The following IRAG1 variants were observed in gnomAD, a reference collection of about 807,000 sequenced individuals.
IRAG1 encodes the protein inositol 1,4,5-triphosphate receptor associated 1, also known as IP3R-associated cGMP kinase substrate.
In IRAG1, 62 loss-of-function variants were observed where a neutral mutation model predicts 106.2. The observed-to-expected ratio is 0.58, with a 90% CI of 0.48 to 0.72. The LOEUF (loss-of-function observed/expected upper bound fraction) is 0.72, where lower values mean the gene tolerates loss of function less well. IRAG1 is among the 30% of genes least tolerant of loss of function. The pLI is 0.00. For synonymous variants in IRAG1, 462 were observed against 443.9 expected, an observed-to-expected ratio of 1.04 and a Z score of -0.51; for missense variants, 1,064 against 1,140.7, an observed-to-expected ratio of 0.93 and a Z score of 0.97.
chr11:10,680,367 A>AGG (rs1395405539), intron 1 of IRAG1, among the ~76,000 whole-genome samples: 7 of 95,678 alleles, frequency 7.3e-5, no homozygotes, highest in East Asian at 5.0e-4. Context: ...GAAAGAAAGA[A>AGG]AGAAGGAAGG....
intron 10 of IRAG1, among the ~76,000 whole-genome samples, chr11:10,619,653 G>C (rs1411580900): frequency 6.6e-6 from 1 of 152,204 alleles, no homozygotes; most frequent in African/African-American, 2.4e-5. Context: ...ATGTATGCCA[G>C]GTTCCTGCTG....
intron 1 of IRAG1, among the ~76,000 whole-genome samples, chr11:10,673,728 G>T (rs908387284): frequency 6.6e-6 from 1 of 151,838 alleles, no homozygotes; most frequent in African/African-American, 2.4e-5. Context: ...AGCTAGCTTT[G>T]GTCCTTAGTG....
intron 18 of IRAG1, among the ~76,000 whole-genome samples, chr11:10,585,005 A>G (rs1430726147): frequency 2.0e-5 from 3 of 152,228 alleles, no homozygotes; most frequent in Admixed American, 6.5e-5. Flanking sequence ...AGCTTGTTAT[A>G]TATTACTGAG....
chr11:10,591,603 G>A lies in IRAG1; in HGVS notation c.2185C>T (p.Pro729Ser). The A allele has an allele frequency of 1.3e-6, 2 of 1,594,458 alleles. No homozygotes were observed. The highest frequency in any genetic ancestry group is 1.7e-4 in the Middle Eastern group (1 of 6,042). The change falls in exon 18 of 21, where the codon CCC becomes TCC. Residue 729 changes from proline (P) to serine (S), a missense_variant. Transcript: ENST00000423302. ...ACAGGTAGGCTGCCTTTCCCATTGG[G>A]TGATTCCGACTGAGTGAAAAACAGA... ...IPSLPALSES[P>S]NGKGSLPVTS... is the part of the protein sequence containing the mutation.
chr11:10,693,461 C>T (rs1862220906), intron 1 of IRAG1, 75 bp downstream of exon 1: 7 of 1,530,818 alleles, frequency 4.6e-6, no homozygotes, highest in Non-Finnish European at 5.2e-6. Context: ...GCACCCTGTA[C>T]CTTTAAGGAA....
intron 1 of IRAG1, among the ~76,000 whole-genome samples, chr11:10,661,585 A>G (rs768497546): frequency 1.3e-5 from 2 of 152,156 alleles, no homozygotes; most frequent in Non-Finnish European, 2.9e-5. Context: ...GAGGCTGCCT[A>G]CATTCGTTGG....
At position 10,657,834 on chromosome 11, in the gene IRAG1, A is replaced by C. The variant is rs150597874; in HGVS notation, c.68-5652T>G. Among the ~76,000 whole-genome samples the C allele has an allele frequency of 6.6e-6, 1 of 152,026 alleles. No homozygotes were observed. The highest frequency in any genetic ancestry group is 1.5e-5 in the Non-Finnish European group (1 of 68,000). ...GAGAACTCACCAGTCTTACCCCTGCACCCATTTTTACCAATGGGGAACCGA... is the reference window on the plus strand; with the variant it reads ...GAGAACTCACCAGTCTTACCCCTGCCCCCATTTTTACCAATGGGGAACCGA... On this transcript the variant is annotated intron_variant, in intron 1 of 20. Transcript: ENST00000423302. The surrounding 1 kb of genome is among the most constrained non-coding windows in gnomAD (Gnocchi z 4.1).
intron 1 of IRAG1, among the ~76,000 whole-genome samples, chr11:10,672,385 A>C (rs1351502141): frequency 1.3e-5 from 2 of 152,234 alleles, no homozygotes; most frequent in African/African-American, 2.4e-5. Flanking sequence ...AAGTGATGCT[A>C]TCAAGGAAGT....
intron 18 of IRAG1, among the ~76,000 whole-genome samples, chr11:10,582,909 C>T (rs755588693): frequency 2.0e-5 from 3 of 152,152 alleles, no homozygotes; most frequent in Non-Finnish European, 2.9e-5. Context: ...GAGCTGAGAT[C>T]GCACCACTGC....
intron 1 of IRAG1, among the ~76,000 whole-genome samples, chr11:10,660,047 G>C (rs1235804618): frequency 6.6e-6 from 1 of 152,192 alleles, no homozygotes. Flanking sequence ...CCTAGGCTTG[G>C]CTCTGCCTCC....
rs777465708 is a variant in IRAG1, at chr11:10,591,018, G to A, written c.2240+530C>T. 3.9e-5 allele frequency among the ~76,000 whole-genome samples: 6 copies of A among 152,194 alleles called. No individual in the cohort carries two copies. In the South Asian group the frequency reaches 1.2e-3, roughly 32 times the overall value. ...AGATAATAGAGAAGACTGGTGAAAG[G>A]CTTCTGGGTTTATTCCTAAGAAAGG... On this transcript the variant is annotated intron_variant, in intron 18 of 20. Transcript: ENST00000423302.
In IRAG1 at chr11:10,693,694, G is replaced by A. The variant is rs2135304471; in HGVS notation, c.-92C>T. 4 of 1,427,858 alleles carry A rather than the reference G, an allele frequency of 2.8e-6. No homozygotes were observed. In the East Asian group the frequency reaches 9.9e-5, roughly 35 times the overall value. The allele number at this position is 1,427,858 out of a possible 1,614,324, so 88.4% of individuals were successfully genotyped here. Reference sequence around the variant, plus strand: ...CCGCACGCCTCCTCTGAGAGGGGCTGGGACTTAGAGCCGAGAGCTCCTCTG... The same window carrying A: ...CCGCACGCCTCCTCTGAGAGGGGCTAGGACTTAGAGCCGAGAGCTCCTCTG... On this transcript the variant is annotated 5_prime_UTR_variant, in exon 1 of 21. Transcript: ENST00000423302.
intron 11 of IRAG1, among the ~76,000 whole-genome samples, chr11:10,607,414 C>T (rs961271492): frequency 1.1e-4 from 17 of 152,148 alleles, no homozygotes; most frequent in African/African-American, 3.6e-4. Flanking sequence ...AAGCCCCAGC[C>T]GACACAGAGG....
At chr11:10,603,495 ATGC>A (rs1462637299) in intron 13 of IRAG1, among the ~76,000 whole-genome samples, 1 of 152,128 alleles carries the variant, frequency 6.6e-6, no homozygotes, top group African/African-American at 2.4e-5. Flanking sequence ...TGGGAATCGA[ATGC>A]TGCTGCTGAT....
intron 1 of IRAG1, among the ~76,000 whole-genome samples, chr11:10,682,439 G>T (rs979765850): frequency 2.0e-5 from 3 of 152,162 alleles, no homozygotes. Context: ...ACAGATCCTT[G>T]ATGTCTATAA....
intron 18 of IRAG1, among the ~76,000 whole-genome samples, chr11:10,588,555 T>C (rs1852287662): frequency 6.6e-6 from 1 of 152,216 alleles, no homozygotes; most frequent in Non-Finnish European, 1.5e-5. Context: ...TTCGTTATAT[T>C]GCCCAGGCTG....
chr11:10,660,059 C>G (rs148780106), intron 1 of IRAG1, among the ~76,000 whole-genome samples: 10 of 152,192 alleles, frequency 6.6e-5, no homozygotes, highest in Admixed American at 2.0e-4. Flanking sequence ...TCTGCCTCCC[C>G]ACATGGGTGA....
At chr11:10,648,788 C>T (rs967468347) in intron 2 of IRAG1, among the ~76,000 whole-genome samples, 4 of 151,910 alleles carry the variant, frequency 2.6e-5, no homozygotes, top group African/African-American at 9.7e-5. Context: ...TCTGTGCATG[C>T]CTGTGTATCT....
intron 18 of IRAG1, chr11:10,585,908 T>G (rs1851915001): frequency 6.6e-6 from 1 of 152,008 alleles, no homozygotes; most frequent in Admixed American, 6.5e-5. Flanking sequence ...ACCCCCGCTT[T>G]TCTTTCAATA....
Sources: allele counts gnomAD v4.1 joint callset (sites outside exome capture counted in the v4.1 genomes callset), GRCh38; gene constraint gnomAD v4.1.1; non-coding constraint Gnocchi (gnomAD v3.1); transcripts MANE v1.5; gene names NCBI Gene and HGNC (gene_info 2026-07-23, HGNC 2026-07-21).